The following ERMARD variants were observed in gnomAD, a reference collection of about 807,000 sequenced individuals.
The protein encoded by ERMARD is endoplasmic reticulum membrane-associated RNA degradation protein.
A neutral mutation model predicts 83.9 loss-of-function variants in ERMARD; 71 were observed. The ratio of observed to expected loss-of-function variants is 0.85; its 90% CI spans 0.70 to 1.03. ERMARD has a LOEUF of 1.03. Among genes scored for constraint, ERMARD ranks in the 50% least tolerant of loss-of-function variants. The probability of loss-of-function intolerance (pLI) is 0.00; values close to 1 mark genes in which losing one functional copy is unlikely to be tolerated. For missense variants in ERMARD, 838 were observed against 810.9 expected, an observed-to-expected ratio of 1.03 and a Z score of -0.41; for synonymous variants, 284 against 298.6, an observed-to-expected ratio of 0.95 and a Z score of 0.50.
At chr6:169,771,087 T>C (rs1049352040) in intron 12 of ERMARD, 1 of 149,724 alleles carries the variant, frequency 6.7e-6, no homozygotes, top group Non-Finnish European at 1.5e-5. Context: ...CTTTTTTTTT[T>C]GTTTTTTTTT....
intron 9 of ERMARD, among the ~76,000 whole-genome samples, chr6:169,762,818 C>T (rs1791722644): frequency 6.6e-6 from 1 of 152,182 alleles, no homozygotes; most frequent in South Asian, 2.1e-4. Flanking sequence ...GTCACTGTAA[C>T]CGCGTGAGAT....
chr6:169,775,192 A>C, intron 13 of ERMARD, 78 bp from the exon 14 acceptor site: 1 of 1,397,396 alleles, frequency 7.2e-7, no homozygotes, highest in Non-Finnish European at 1.0e-6. Context: ...CTAGAGAGTG[A>C]TGTAACATCC....
chr6:169,768,375 A>G (rs2128355403), intron 11 of ERMARD, among the ~76,000 whole-genome samples: 1 of 152,334 alleles, frequency 6.6e-6, no homozygotes, highest in East Asian at 1.9e-4. Context: ...AGGCCTGATG[A>G]TTTAGCTGCC....
upstream of ERMARD, chr6:169,751,320 T>C (rs753529888): frequency 1.2e-5 from 20 of 1,610,602 alleles, no homozygotes; most frequent in East Asian, 3.8e-4. Context: ...CTCGGGCCCC[T>C]AGCAGTCTCC....
intron 13 of ERMARD, among the ~76,000 whole-genome samples, chr6:169,773,901 G>C (rs1251171464): frequency 1.3e-5 from 2 of 152,204 alleles, no homozygotes; most frequent in African/African-American, 4.8e-5. Context: ...AGTGCAAGGG[G>C]ATGAAAGAGA....
At chr6:169,758,430 G>A (rs950494777) in intron 5 of ERMARD, among the ~76,000 whole-genome samples, 9 of 152,240 alleles carry the variant, frequency 5.9e-5, no homozygotes, top group African/African-American at 2.2e-4. Context: ...GGGTGGATAA[G>A]TGATGGGCTT....
chr6:169,773,134 T>C, intron 12 of ERMARD, 185 bp from the exon 13 acceptor site: 1 of 534,442 alleles, frequency 1.9e-6, no homozygotes, highest in South Asian at 2.9e-5. Flanking sequence ...TTTAAAATCA[T>C]TTTATTGGCT....
rs181593610 is a variant in ERMARD, at chr6:169,769,273, A to C, written c.1060-267A>C. The stretch of plus-strand genomic sequence containing the variant: ...AGCTCATTTGCAAATGTTCACACTC[A>C]GTTCCCTTCCTTGGAGGAAGGTGAA... On this transcript the variant is annotated intron_variant, in intron 11 of 17. Transcript: ENST00000366773. Among the ~76,000 whole-genome samples, 558 of 152,330 alleles carry C rather than the reference A, an allele frequency of 3.7e-3. 3 individuals are homozygous for C. The highest frequency in any genetic ancestry group is 5.5e-3 in the Non-Finnish European group (375 of 68,036).
At chr6:169,757,723 A>T (rs1790993430) in intron 5 of ERMARD, among the ~76,000 whole-genome samples, 1 of 152,224 alleles carries the variant, frequency 6.6e-6, no homozygotes, top group Admixed American at 6.5e-5. Flanking sequence ...CCAGGGTGCT[A>T]GATGATTTTT....
chr6:169,774,869 C>A (rs1182238065), intron 13 of ERMARD, among the ~76,000 whole-genome samples: 2 of 152,162 alleles, frequency 1.3e-5, no homozygotes, highest in Non-Finnish European at 2.9e-5. Context: ...GCTGCTGCAC[C>A]TCGAGTGCGG....
chr6:169,763,743 T>C (rs1791841222), intron 9 of ERMARD, among the ~76,000 whole-genome samples: 1 of 152,240 alleles, frequency 6.6e-6, no homozygotes, highest in Non-Finnish European at 1.5e-5. Flanking sequence ...CATTTTCATC[T>C]CTGGGGGAAC....
chr6:169,751,497 A>C (rs764064119), upstream of ERMARD: 4 of 1,610,326 alleles, frequency 2.5e-6, no homozygotes, highest in South Asian at 1.1e-5. Context: ...CCTCCCCTTC[A>C]CCGCCGGCGG....
intron 5 of ERMARD, among the ~76,000 whole-genome samples, chr6:169,758,020 C>T (rs1434824244): frequency 6.6e-6 from 1 of 152,206 alleles, no homozygotes; most frequent in Non-Finnish European, 1.5e-5. Flanking sequence ...GAGTATTTCA[C>T]AAATTATTGG....
chr6:169,776,752 C>T, intron 16 of ERMARD, 79 bp downstream of exon 16: 1 of 1,478,048 alleles, frequency 6.8e-7, no homozygotes, highest in Non-Finnish European at 9.2e-7. Flanking sequence ...TCCTCACTTC[C>T]AGACACACAC....
intron 16 of ERMARD, among the ~76,000 whole-genome samples, chr6:169,778,357 A>G (rs183520136): frequency 3.6e-4 from 55 of 152,358 alleles, no homozygotes; most frequent in Middle Eastern, 3.4e-3. Flanking sequence ...TATCTATCTA[A>G]ATGAATATTT....
At chr6:169,760,003 A>G in intron 7 of ERMARD, 29 bp downstream of exon 7, 4 of 1,613,640 alleles carry the variant, frequency 2.5e-6, no homozygotes, top group Non-Finnish European at 3.4e-6. Flanking sequence ...ATTTTTCCTT[A>G]TAGCTTTGCG....
chr6:169,768,555 A>G (rs4716395), intron 11 of ERMARD, among the ~76,000 whole-genome samples: 43,317 of 152,036 alleles, frequency 0.28, 6,838 homozygotes, highest in African/African-American at 0.42. Context: ...CAAGAGTTCA[A>G]TACCAGTCTG....
intron 12 of ERMARD, chr6:169,771,904 C>G (rs937814169): frequency 2.0e-5 from 3 of 151,930 alleles, no homozygotes; most frequent in Admixed American, 2.0e-4. Context: ...GGCGTGGTGG[C>G]GGGTGCCTGT....
intron 1 of ERMARD, among the ~76,000 whole-genome samples, chr6:169,752,627 A>C (rs1790276317): frequency 6.6e-6 from 1 of 152,232 alleles, no homozygotes; most frequent in Non-Finnish European, 1.5e-5. Context: ...GGCAACTGAT[A>C]GCAGTTTCCA....
Sources: gnomAD v4.1 joint callset for allele counts (sites outside exome capture counted in the v4.1 genomes callset) on GRCh38, gnomAD v4.1.1 for gene constraint, MANE v1.5 for transcripts, NCBI Gene and HGNC (gene_info 2026-07-23, HGNC 2026-07-21) for gene names.